The following LAMA1 variants were observed in gnomAD, a reference collection of about 807,000 sequenced individuals.
The protein encoded by LAMA1 is laminin subunit alpha 1.
Under a neutral mutation model 348.7 loss-of-function variants are expected in LAMA1, and 219 were observed. That is an observed-to-expected ratio of 0.63 (90% CI 0.56 to 0.70). The LOEUF (loss-of-function observed/expected upper bound fraction) is 0.70. LAMA1 is among the 30% of genes least tolerant of loss of function. LAMA1 has a pLI of 0.00. For missense variants in LAMA1, 3,744 were observed against 3,888.0 expected, an observed-to-expected ratio of 0.96 and a Z score of 0.99; for synonymous variants, 1,487 against 1,491.0, an observed-to-expected ratio of 1.00 and a Z score of 0.06.
At chr18:6,949,757 C>G (rs888242322) in intron 58 of LAMA1, among the ~76,000 whole-genome samples, 3 of 152,176 alleles carry the variant, frequency 2.0e-5, no homozygotes, top group African/African-American at 7.2e-5. Flanking sequence ...CAGTCCCTCC[C>G]CAAAACTAAC....
intron 61 of LAMA1, among the ~76,000 whole-genome samples, chr18:6,944,204 CA>C (rs1196018726): frequency 1.3e-5 from 2 of 152,142 alleles, no homozygotes; most frequent in African/African-American, 4.8e-5. Flanking sequence ...TTAGTAGAGA[CA>C]GGGTTTCACC....
chr18:6,956,903 TC>T, intron 55 of LAMA1, 138 bp from the exon 56 acceptor site: 1 of 898,262 alleles, frequency 1.1e-6, no homozygotes, highest in Non-Finnish European at 1.8e-6. Flanking sequence ...AAAGTGCCAA[TC>T]CTTCACTGTG....
intron 3 of LAMA1, among the ~76,000 whole-genome samples, chr18:7,073,357 C>T (rs2058153707): frequency 2.6e-5 from 4 of 152,206 alleles, no homozygotes; most frequent in Admixed American, 2.0e-4. Context: ...TCACTACCAT[C>T]TATCTCCAGA....
Position 6,941,764 on chromosome 18 carries a change from T to G in LAMA1, c.*315A>C. ...TACTCTGATCTGTTATCATCTGTAT[T>G]GATACTTTTTTAAAAAGCTCAAAAT... On this transcript the variant is annotated 3_prime_UTR_variant, in exon 63 of 63. Coordinates refer to ENST00000389658, the MANE Select transcript of LAMA1 (RefSeq NM_005559.4). 2.7e-6 allele frequency: 1 copy of G among 364,828 alleles called. No homozygotes were observed. The highest frequency in any genetic ancestry group is 5.3e-6 in the Non-Finnish European group (1 of 190,384). 22.6% of individuals were successfully genotyped at this position (364,828 alleles called of 1,614,324 possible).
In LAMA1 at chr18:7,008,623, T is replaced by A. The variant is rs202238036; in HGVS notation, c.4002-15A>T. ...TGTCTGAGATTCTGTGCAGCCATCA[T>A]GTTAAGAGAGGAAACGCTAACATTT... On this transcript the variant is annotated splice_polypyrimidine_tract_variant and intron_variant, in intron 27 of 62. Transcript: ENST00000389658. The A allele has an allele frequency of 6.2e-7, 1 of 1,613,746 alleles. No homozygotes were observed. The highest frequency in any genetic ancestry group is 8.5e-7 in the Non-Finnish European group (1 of 1,179,846).
chr18:6,945,508 A>G (rs2057517778), intron 61 of LAMA1, among the ~76,000 whole-genome samples: 1 of 152,178 alleles, frequency 6.6e-6, no homozygotes, highest in Non-Finnish European at 1.5e-5. Context: ...CTTGCCTTCC[A>G]AGAGGCACTA....
intron 48 of LAMA1, among the ~76,000 whole-genome samples, chr18:6,966,499 ATAATGT>A (rs746896044): frequency 6.6e-6 from 1 of 152,228 alleles, no homozygotes; most frequent in Non-Finnish European, 1.5e-5. Flanking sequence ...TATAAGGAAA[ATAATGT>A]TAATGTAGGC....
Position 6,955,386 on chromosome 18 carries a change from A to C in LAMA1, c.8174T>G (p.Ile2725Ser), listed in dbSNP as rs1232753659. ...GACAGCCGACTGATTAAAAGGCAAGATGAAATGGCTGTTTTGTGTGAGACC... is the reference window on the plus strand; with the variant it reads ...GACAGCCGACTGATTAAAAGGCAAGCTGAAATGGCTGTTTTGTGTGAGACC... Reference protein sequence around the residue: ...QFGLTQNSHFILPFNQSAVRK... With the variant: ...QFGLTQNSHFSLPFNQSAVRK... Residue 2725 changes from isoleucine (I) to serine (S), a missense_variant, in exon 57 of 63, where the codon ATC becomes AGC. Ile to Ser is a moderately radical substitution (Grantham distance 142). Around this residue, in one of 3 missense-constraint regions of LAMA1, gnomAD observed 1,983 missense variants for 1,934.3 expected, o/e 1.03. Transcript: ENST00000389658. The C allele has an allele frequency of 6.2e-7, 1 of 1,614,014 alleles. No homozygotes were observed. The highest frequency in any genetic ancestry group is 8.5e-7 in the Non-Finnish European group (1 of 1,180,010).
chr18:7,078,139 A>ATT (rs1555664140), intron 3 of LAMA1, among the ~76,000 whole-genome samples: 122 of 140,848 alleles, frequency 8.7e-4, no homozygotes, highest in African/African-American at 2.9e-3. Context: ...TTCTCTTTTT[A>ATT]TTTTTTTTTG....
intron 1 of LAMA1, among the ~76,000 whole-genome samples, chr18:7,091,436 T>G (rs568654295): frequency 1.3e-5 from 2 of 152,314 alleles, no homozygotes; most frequent in Admixed American, 1.3e-4. Flanking sequence ...TTTATGACAC[T>G]TACAATATTT....
intron 5 of LAMA1, 121 bp downstream of exon 5, chr18:7,048,957 A>G (rs1015199190): frequency 3.7e-5 from 36 of 962,738 alleles, no homozygotes; most frequent in Non-Finnish European, 5.2e-5. Flanking sequence ...AGCTGCTGGC[A>G]AGAAAAAAGG....
At chr18:7,088,437 G>A (rs2058226294) in intron 1 of LAMA1, among the ~76,000 whole-genome samples, 1 of 152,102 alleles carries the variant, frequency 6.6e-6, no homozygotes, top group Non-Finnish European at 1.5e-5. Flanking sequence ...GAGGGAGCTA[G>A]CCATGCATGG....
At chr18:7,103,813 C>T (rs1306150796) in intron 1 of LAMA1, among the ~76,000 whole-genome samples, 6 of 149,838 alleles carry the variant, frequency 4.0e-5, no homozygotes, top group Non-Finnish European at 3.0e-5. Flanking sequence ...AGTAAGACTC[C>T]GTCTTAAAAA....
At chr18:6,945,692 G>A (rs558063295) in intron 61 of LAMA1, among the ~76,000 whole-genome samples, 36 of 152,226 alleles carry the variant, frequency 2.4e-4, no homozygotes, top group African/African-American at 6.7e-4. Flanking sequence ...ATGACCCCAC[G>A]GGGAAGCGGG....
chr18:7,106,146 G>C (rs1462781), intron 1 of LAMA1, among the ~76,000 whole-genome samples: 13,234 of 152,160 alleles, frequency 0.087, 1,831 homozygotes, highest in African/African-American at 0.29. Flanking sequence ...GTTGGGACCC[G>C]AGTATTCCAC....
At chr18:7,046,469 A>G (rs2058042394) in intron 5 of LAMA1, 102 bp from the exon 6 acceptor site, 1 of 669,760 alleles carries the variant, frequency 1.5e-6, no homozygotes, top group Non-Finnish European at 2.7e-6. Flanking sequence ...AAGAGTTTTT[A>G]TTGGTAATCT....
At chr18:6,943,670 G>A (rs1232220096) in intron 61 of LAMA1, among the ~76,000 whole-genome samples, 4 of 151,852 alleles carry the variant, frequency 2.6e-5, no homozygotes, top group Admixed American at 6.6e-5. Flanking sequence ...GCAACATGGA[G>A]AAACCCTGTC....
chr18:7,056,662 C>T (rs2058083307), intron 3 of LAMA1, among the ~76,000 whole-genome samples: 1 of 152,074 alleles, frequency 6.6e-6, no homozygotes, highest in Admixed American at 6.5e-5. Context: ...TTTGTAATGC[C>T]AAGAAACAAA....
At chr18:6,942,289 C>T (rs757233773) in intron 62 of LAMA1, 50 bp from the exon 63 acceptor site, 15 of 1,589,930 alleles carry the variant, frequency 9.4e-6, no homozygotes, top group Admixed American at 3.3e-5. Context: ...TGTTGAAATG[C>T]GATCCATAGC....
Sources: allele counts gnomAD v4.1 joint callset (sites outside exome capture counted in the v4.1 genomes callset), GRCh38; gene constraint gnomAD v4.1.1; regional missense constraint gnomAD v4.1.1; transcripts MANE v1.5; gene names NCBI Gene and HGNC (gene_info 2026-07-23, HGNC 2026-07-21).